ARID4B: variants seen among roughly 807,000 people sequenced by gnomAD.
The protein encoded by ARID4B is AT-rich interactive domain-containing protein 4B.
In ARID4B, 26 loss-of-function variants were observed where a neutral mutation model predicts 147.5. That is an observed-to-expected ratio of 0.18 (90% CI 0.13 to 0.24). ARID4B has a LOEUF of 0.24. Ranked by LOEUF, ARID4B falls within the 10% of genes least tolerant of loss-of-function variation. The pLI is 1.00. For missense variants in ARID4B, 1,179 were observed against 1,511.5 expected, an observed-to-expected ratio of 0.78 and a Z score of 3.65; for synonymous variants, 512 against 507.9, an observed-to-expected ratio of 1.01 and a Z score of -0.11.
chr1:235,289,963 G>A (rs535614436), intron 2 of ARID4B, among the ~76,000 whole-genome samples: 2 of 151,680 alleles, frequency 1.3e-5, no homozygotes, highest in African/African-American at 4.8e-5. Flanking sequence ...CTGGGAGACA[G>A]AGGTTGCAGT....
chr1:235,202,261 T>C (rs1198759975), intron 17 of ARID4B, among the ~76,000 whole-genome samples: 1 of 151,952 alleles, frequency 6.6e-6, no homozygotes, highest in East Asian at 1.9e-4. Flanking sequence ...AATATTGAGT[T>C]AGAAAATTAA....
At chr1:235,238,507 C>A (rs977145623) in intron 8 of ARID4B, among the ~76,000 whole-genome samples, 9 of 152,108 alleles carry the variant, frequency 5.9e-5, no homozygotes, top group Non-Finnish European at 1.3e-4. Context: ...TTTTGTTTAT[C>A]AGCGGATCTT....
chr1:235,276,148 A>G (rs1267287109), intron 2 of ARID4B, among the ~76,000 whole-genome samples: 1 of 151,824 alleles, frequency 6.6e-6, no homozygotes, highest in African/African-American at 2.4e-5. Context: ...AAAGAAAAAA[A>G]ATCTTGACCA....
intron 2 of ARID4B, among the ~76,000 whole-genome samples, chr1:235,293,506 C>G (rs1672477360): frequency 6.6e-6 from 1 of 152,114 alleles, no homozygotes; most frequent in African/African-American, 2.4e-5. Context: ...GTACAATTAT[C>G]TACTTATACT....
At chr1:235,222,744 G>A (rs1667556814) in intron 13 of ARID4B, among the ~76,000 whole-genome samples, 1 of 149,306 alleles carries the variant, frequency 6.7e-6, no homozygotes, top group Admixed American at 6.7e-5. Context: ...GTCCAGCGGT[G>A]CAATCTTGGT....
intron 2 of ARID4B, among the ~76,000 whole-genome samples, chr1:235,303,640 G>A (rs984519223): frequency 6.6e-6 from 1 of 152,106 alleles, no homozygotes; most frequent in African/African-American, 2.4e-5. Context: ...AAAGTGGGAG[G>A]ATCACTTGAG....
At chr1:235,222,052 G>C (rs1473291329) in intron 13 of ARID4B, among the ~76,000 whole-genome samples, 2 of 151,792 alleles carry the variant, frequency 1.3e-5, no homozygotes, top group Non-Finnish European at 2.9e-5. Flanking sequence ...TGGGACTATA[G>C]ATGCACACCA....
chr1:235,246,124 G>T lies in ARID4B; in HGVS notation c.446+296C>A, dbSNP rs145887747. On this transcript the variant is annotated intron_variant, in intron 7 of 23. Coordinates refer to ENST00000264183, the MANE Select transcript of ARID4B (RefSeq NM_016374.6). ...ACCAAAAATAATAGCATGAATAAAA[G>T]CATGATATTAGAAAACAAGCGATGT... Among the ~76,000 whole-genome samples the T allele has an allele frequency of 9.2e-5, 14 of 152,286 alleles. No individual in the cohort carries two copies. The East Asian group carries it at 2.7e-3, about 29-fold the overall frequency.
intron 4 of ARID4B, among the ~76,000 whole-genome samples, chr1:235,256,949 T>G (rs1027267639): frequency 5.9e-5 from 9 of 152,114 alleles, no homozygotes; most frequent in Admixed American, 5.9e-4. Flanking sequence ...AATCATAACT[T>G]ATTGCAACCT....
At chr1:235,222,345 A>T (rs561330858) in intron 13 of ARID4B, among the ~76,000 whole-genome samples, 1 of 152,374 alleles carries the variant, frequency 6.6e-6, no homozygotes, top group Non-Finnish European at 1.5e-5. Flanking sequence ...ATACAGGCTA[A>T]TAAATGCAGT....
rs201316646 is a variant in ARID4B, at chr1:235,229,312, A to G, written c.816T>C (p.Asp272=). The G allele has an allele frequency of 6.2e-7, 1 of 1,613,608 alleles. No homozygotes were observed. The highest frequency in any genetic ancestry group is 1.7e-5 in the Admixed American group (1 of 59,942). Residue 272 remains aspartate (D), a synonymous_variant, in exon 11 of 24, where the codon GAT becomes GAC. Transcript: ENST00000264183. ...CTTCCTCTGCTTCACTGCTAGAGCT[A>G]TCTTCTTTCAATTCAGTCTTCCAGT... ...PANWKTELKE[D]SSSSEAEEEE...
At chr1:235,173,467 T>G (rs1400160552) in intron 22 of ARID4B, among the ~76,000 whole-genome samples, 1 of 152,062 alleles carries the variant, frequency 6.6e-6, no homozygotes, top group Non-Finnish European at 1.5e-5. Flanking sequence ...TTCTCTGTTA[T>G]TTTTTAGGTT....
At chr1:235,291,219 A>G (rs1558283655) in intron 2 of ARID4B, among the ~76,000 whole-genome samples, 1 of 151,186 alleles carries the variant, frequency 6.6e-6, no homozygotes, top group Non-Finnish European at 1.5e-5. Flanking sequence ...ACACGTTGAA[A>G]CCCCGTCTCT....
At position 235,182,788 on chromosome 1, in the gene ARID4B, C is replaced by T. The variant is rs1344705811; in HGVS notation, c.2131G>A (p.Glu711Lys). Residue 711 changes from glutamate to lysine, a missense_variant, in exon 20 of 24, where the codon GAA (glutamate) becomes AAA (lysine). This residue lies in a region of ARID4B where 321 missense variants were observed against 342.4 expected (regional missense o/e 0.94). Coordinates refer to ENST00000264183, the MANE Select transcript of ARID4B (RefSeq NM_016374.6). ...TGCTCACTGTCTTCAGCAGAACTTT[C>T]AGAAGCTAGAAAATAACAGAAAAAA... is the stretch of plus-strand genomic sequence containing the variant. Reference protein sequence around the residue: ...TSILNGLQASESSAEDSEQED... With the variant: ...TSILNGLQASKSSAEDSEQED... The T allele has an allele frequency of 1.3e-6, 2 of 1,573,602 alleles. No individual in the cohort carries two copies. The highest frequency in any genetic ancestry group is 1.7e-6 in the Non-Finnish European group (2 of 1,165,182).
At position 235,220,612 on chromosome 1, in the gene ARID4B, A is replaced by C. The variant is rs1449549798; in HGVS notation, c.1164-67T>G. 14 of 1,223,466 alleles carry C rather than the reference A, an allele frequency of 1.1e-5. No individual in the cohort carries two copies. In the East Asian group the frequency reaches 1.8e-4, roughly 16 times the overall value. 75.8% of individuals were successfully genotyped at this position (1,223,466 alleles called of 1,614,324 possible). ...AAAATATAACTATAGAGTTATTTTT[A>C]ATGTGTATTCATTTCTTTTGTCTAA... is the stretch of plus-strand genomic sequence containing the variant. On this transcript the variant is annotated intron_variant, in intron 14 of 23. Coordinates refer to ENST00000264183, the MANE Select transcript of ARID4B (RefSeq NM_016374.6).
intron 2 of ARID4B, among the ~76,000 whole-genome samples, chr1:235,270,785 A>C (rs1310325516): frequency 1.3e-5 from 2 of 152,232 alleles, no homozygotes; most frequent in African/African-American, 4.8e-5. Flanking sequence ...TCACAATCAT[A>C]TTCAAATGCA....
At chr1:235,309,387 G>A (rs12728451) in intron 2 of ARID4B, among the ~76,000 whole-genome samples, 1 of 149,680 alleles carries the variant, frequency 6.7e-6, no homozygotes, top group African/African-American at 2.5e-5. Context: ...AGTGAGGAGC[G>A]TCTCTGCCCG....
chr1:235,249,869 G>A (rs1669532781), intron 6 of ARID4B, among the ~76,000 whole-genome samples: 1 of 151,600 alleles, frequency 6.6e-6, no homozygotes, highest in African/African-American at 2.4e-5. Flanking sequence ...GAACACGGGA[G>A]GCAGAGGTTG....
chr1:235,244,488 A>C (rs1669177466), intron 7 of ARID4B, among the ~76,000 whole-genome samples: 1 of 152,188 alleles, frequency 6.6e-6, no homozygotes, highest in Non-Finnish European at 1.5e-5. Context: ...GCTTTAAAAA[A>C]AATTTAGCTA....
Sources: allele counts gnomAD v4.1 joint callset (sites outside exome capture counted in the v4.1 genomes callset), GRCh38; gene constraint gnomAD v4.1.1; regional missense constraint gnomAD v4.1.1; transcripts MANE v1.5; gene names NCBI Gene and HGNC (gene_info 2026-07-23, HGNC 2026-07-21).